Variants in FAM169A observed in about 807,000 individuals in gnomAD.
FAM169A encodes the protein soluble lamin-associated protein of 75 kDa.
A neutral mutation model predicts 75.7 loss-of-function variants in FAM169A; 24 were observed. The ratio of observed to expected loss-of-function variants is 0.32; its 90% confidence interval spans 0.23 to 0.45. The LOEUF is 0.45. FAM169A is among the 20% of genes least tolerant of loss of function. FAM169A has a pLI of 1.00. For synonymous variants in FAM169A, 271 were observed against 271.0 expected (o/e 1.00, Z 0.00); for missense variants, 673 against 784.0 (o/e 0.86, Z 1.69).
chr5:74,799,502 C>G, intron 10 of FAM169A: 1 of 1,586,482 alleles, frequency 6.3e-7, no homozygotes, highest in Non-Finnish European at 8.7e-7. Context: ...AGAGTGTTTT[C>G]TTCCTACATT....
chr5:74,788,562 G>A (rs111297324), intron 11 of FAM169A, among the ~76,000 whole-genome samples: 3,657 of 152,096 alleles, frequency 0.024, 146 homozygotes, highest in African/African-American at 0.084. Flanking sequence ...AAAATTAGCC[G>A]GGCATGGTGG....
intron 11 of FAM169A, among the ~76,000 whole-genome samples, chr5:74,791,201 T>C (rs559788009): frequency 6.6e-6 from 1 of 152,254 alleles, no homozygotes; most frequent in South Asian, 2.1e-4. Flanking sequence ...AACTAGGTGA[T>C]AATACTTAGC....
At chr5:74,850,573 C>T (rs1018401161) in intron 1 of FAM169A, among the ~76,000 whole-genome samples, 1 of 152,134 alleles carries the variant, frequency 6.6e-6, no homozygotes, top group African/African-American at 2.4e-5. Flanking sequence ...ATTCTTGAGC[C>T]AAACTAACAG....
chr5:74,866,922 A>G, upstream of FAM169A: 2 of 985,482 alleles, frequency 2.0e-6, no homozygotes, highest in Non-Finnish European at 2.4e-6. Flanking sequence ...ACCTACTGCC[A>G]CTTAGGTGCA....
At chr5:74,805,442 A>C (rs920332806) in intron 6 of FAM169A, among the ~76,000 whole-genome samples, 158 bp from the exon 7 acceptor site, 1 of 151,716 alleles carries the variant, frequency 6.6e-6, no homozygotes, top group East Asian at 1.9e-4. Flanking sequence ...AGTTTCATTT[A>C]TAAATAAAAA....
intron 5 of FAM169A, among the ~76,000 whole-genome samples, chr5:74,831,424 T>C (rs1365829839): frequency 6.6e-6 from 1 of 152,122 alleles, no homozygotes; most frequent in East Asian, 1.9e-4. Context: ...TCATCAGCAG[T>C]CTTGAGGTAT....
chr5:74,823,569 G>C (rs577128533), intron 5 of FAM169A, among the ~76,000 whole-genome samples: 7 of 151,886 alleles, frequency 4.6e-5, no homozygotes, highest in Admixed American at 6.6e-5. Flanking sequence ...CTAGATTTTT[G>C]GTGCTTTGAG....
intron 1 of FAM169A, among the ~76,000 whole-genome samples, chr5:74,857,412 A>C (rs773581297): frequency 6.6e-6 from 1 of 151,186 alleles, no homozygotes; most frequent in Non-Finnish European, 1.5e-5. Flanking sequence ...ATTACAGGCC[A>C]TGGTGGTACG....
At chr5:74,786,100 G>C (rs967334847) in intron 11 of FAM169A, among the ~76,000 whole-genome samples, 8 of 152,138 alleles carry the variant, frequency 5.3e-5, no homozygotes, top group Admixed American at 6.5e-5. Flanking sequence ...TAGCCTCCCA[G>C]CCTACATCTT....
intron 1 of FAM169A, among the ~76,000 whole-genome samples, chr5:74,856,607 G>A (rs1241667760): frequency 6.6e-6 from 1 of 151,914 alleles, no homozygotes; most frequent in East Asian, 1.9e-4. Flanking sequence ...TTGCACTATA[G>A]TTTTTTAATC....
intron 5 of FAM169A, among the ~76,000 whole-genome samples, chr5:74,832,646 AAATAT>A (rs1208195248): frequency 3.4e-5 from 5 of 149,248 alleles, no homozygotes; most frequent in African/African-American, 7.3e-5. Flanking sequence ...TTATATATAT[AAATAT>A]AACATTTATT....
At chr5:74,827,902 G>A (rs1748120504) in intron 5 of FAM169A, among the ~76,000 whole-genome samples, 1 of 151,968 alleles carries the variant, frequency 6.6e-6, no homozygotes, top group Non-Finnish European at 1.5e-5. Context: ...CTGACCTCGG[G>A]TGATCTGCCC....
At chr5:74,851,921 G>C (rs896634846) in intron 1 of FAM169A, among the ~76,000 whole-genome samples, 4 of 152,038 alleles carry the variant, frequency 2.6e-5, no homozygotes, top group Non-Finnish European at 5.9e-5. Context: ...AAACCTCCAG[G>C]ATACAACCAA....
intron 11 of FAM169A, among the ~76,000 whole-genome samples, chr5:74,788,030 G>A (rs186147825): frequency 6.6e-6 from 1 of 152,240 alleles, no homozygotes; most frequent in East Asian, 1.9e-4. Context: ...CCTTCCCCAA[G>A]GAGACCTCTG....
chr5:74,847,727 G>C (rs1000579860), intron 1 of FAM169A, among the ~76,000 whole-genome samples: 5 of 152,074 alleles, frequency 3.3e-5, no homozygotes, highest in Non-Finnish European at 5.9e-5. Context: ...ACAGATCAAA[G>C]GCAAGTAGAA....
At chr5:74,828,615 G>A (rs1390428046) in intron 5 of FAM169A, among the ~76,000 whole-genome samples, 3 of 152,162 alleles carry the variant, frequency 2.0e-5, no homozygotes, top group Non-Finnish European at 2.9e-5. Context: ...CCACCTCCCA[G>A]AAGTAGCTAG....
chr5:74,853,732 G>C (rs1749564930), intron 1 of FAM169A, among the ~76,000 whole-genome samples: 1 of 109,336 alleles, frequency 9.1e-6, no homozygotes, highest in Admixed American at 1.2e-4. Context: ...TTTTGAGACA[G>C]AGTCTTGCTC....
At chr5:74,804,928 T>C (rs1421738461) in intron 7 of FAM169A, among the ~76,000 whole-genome samples, 2 of 152,188 alleles carry the variant, frequency 1.3e-5, no homozygotes, top group African/African-American at 4.8e-5. Flanking sequence ...TGGGCTGTTC[T>C]AGGTCTCCTT....
intron 4 of FAM169A, among the ~76,000 whole-genome samples, chr5:74,835,435 C>A (rs1748521709): frequency 6.6e-6 from 1 of 151,692 alleles, no homozygotes; most frequent in South Asian, 2.1e-4. Flanking sequence ...CCACCCGTCT[C>A]TACAAAAAAT....
Sources: allele counts gnomAD v4.1 joint callset (sites outside exome capture counted in the v4.1 genomes callset), GRCh38; gene constraint gnomAD v4.1.1; transcripts MANE v1.5; gene names NCBI Gene and HGNC (gene_info 2026-07-23, HGNC 2026-07-21).